The following FMNL2 variants were observed in gnomAD, a reference collection of about 807,000 sequenced individuals.
The protein encoded by FMNL2 is formin like 2, also known as formin-like protein 2.
In FMNL2, 51 loss-of-function variants were observed where a neutral mutation model predicts 130.2. The observed-to-expected ratio is 0.39, with a 90% CI of 0.31 to 0.49. FMNL2 has a LOEUF of 0.49. Among genes scored for constraint, FMNL2 ranks in the 20% least tolerant of loss-of-function variants. FMNL2 has a pLI of 0.85. For missense variants in FMNL2, 977 were observed against 1,316.2 expected, an observed-to-expected ratio of 0.74 and a Z score of 3.99; for synonymous variants, 465 against 467.1, an observed-to-expected ratio of 1.00 and a Z score of 0.06.
intron 1 of FMNL2, among the ~76,000 whole-genome samples, chr2:152,504,589 G>A (rs1217947102): frequency 6.6e-6 from 1 of 152,060 alleles, no homozygotes; most frequent in Non-Finnish European, 1.5e-5. Context: ...CTCCATAGCC[G>A]CATCTCATTG....
In FMNL2 at chr2:152,628,506, T is replaced by C. The variant is rs1378492243; in HGVS notation, c.2373T>C (p.Phe791=). 2 of 1,614,016 alleles carry C rather than the reference T, an allele frequency of 1.2e-6. No homozygotes were observed. The highest frequency in any genetic ancestry group is 1.7e-5 in the Admixed American group (1 of 60,014). The change falls in exon 18 of 26, where the codon TTT becomes TTC. Residue 791 remains phenylalanine, a synonymous_variant. Transcript: ENST00000288670. ...KMTIMAFIGN[F]AESIQMLTPQ... is the part of the protein sequence containing the mutation. Reference sequence around the variant, plus strand: ...CCATCATGGCCTTCATTGGGAACTTTGCTGAAAGCATTCAGATGCTGACTC... The same window carrying C: ...CCATCATGGCCTTCATTGGGAACTTCGCTGAAAGCATTCAGATGCTGACTC...
At chr2:152,619,479 A>G in intron 14 of FMNL2, 30 bp from the exon 15 acceptor site, 1 of 1,549,694 alleles carries the variant, frequency 6.5e-7, no homozygotes, top group Non-Finnish European at 8.7e-7. Context: ...CGTATTTTCA[A>G]AGTCCATCTG....
At chr2:152,394,463 T>A (rs1685285403) in intron 1 of FMNL2, among the ~76,000 whole-genome samples, 1 of 152,158 alleles carries the variant, frequency 6.6e-6, no homozygotes, top group Admixed American at 6.5e-5. Flanking sequence ...TTCATTTATG[T>A]TCAAGAAGTA....
chr2:152,372,111 A>G (rs1027359983), intron 1 of FMNL2, among the ~76,000 whole-genome samples: 2 of 152,180 alleles, frequency 1.3e-5, no homozygotes, highest in African/African-American at 4.8e-5. Context: ...AGAGTCCTCA[A>G]TTTGGTGGGG....
In FMNL2 at chr2:152,455,173, G is replaced by A. The variant is rs116532592; in HGVS notation, c.118-66770G>A. 8.9e-3 allele frequency among the ~76,000 whole-genome samples: 1,356 copies of A among 152,188 alleles called. 26 individuals carry two copies. Among genetic ancestry groups the A allele is most frequent in the African/African-American group, 0.031 (1,279 of 41,526 alleles). On this transcript the variant is annotated intron_variant, in intron 1 of 25. Transcript: ENST00000288670. ...AGGGGAGGTCAGGCAGGGAGGGCAAGGGGAACACCAGCACCAGAAGGCAGA... is the reference window on the plus strand; with the variant it reads ...AGGGGAGGTCAGGCAGGGAGGGCAAAGGGAACACCAGCACCAGAAGGCAGA...
At chr2:152,495,431 C>T (rs1457930986) in intron 1 of FMNL2, among the ~76,000 whole-genome samples, 3 of 151,844 alleles carry the variant, frequency 2.0e-5, no homozygotes, top group African/African-American at 7.3e-5. Context: ...GGGCGGATCA[C>T]TTGAGGTCAG....
intron 1 of FMNL2, among the ~76,000 whole-genome samples, chr2:152,458,009 A>G (rs1689048376): frequency 6.6e-6 from 1 of 152,242 alleles, no homozygotes; most frequent in Non-Finnish European, 1.5e-5. Context: ...CAGATAATCC[A>G]GGATAATCTC....
chr2:152,596,050 C>T (rs186840219), intron 9 of FMNL2, among the ~76,000 whole-genome samples: 20 of 151,514 alleles, frequency 1.3e-4, no homozygotes, highest in African/African-American at 4.9e-4. Flanking sequence ...GCAACCTCCT[C>T]CTCTCAGGTT....
chr2:152,526,251 G>C (rs184436135), intron 2 of FMNL2, among the ~76,000 whole-genome samples: 130 of 152,268 alleles, frequency 8.5e-4, no homozygotes, highest in African/African-American at 2.9e-3. Context: ...AGTGACAGTG[G>C]TGGCATTTTT....
intron 6 of FMNL2, among the ~76,000 whole-genome samples, chr2:152,561,323 T>C (rs1000299004): frequency 1.3e-5 from 2 of 152,084 alleles, no homozygotes; most frequent in Admixed American, 6.5e-5. Flanking sequence ...AGATAAGGTT[T>C]TGAAACCAGG....
intron 21 of FMNL2, among the ~76,000 whole-genome samples, chr2:152,635,477 T>C (rs1290289761): frequency 2.0e-5 from 3 of 152,202 alleles, no homozygotes; most frequent in Non-Finnish European, 4.4e-5. Flanking sequence ...CTAAAATAAA[T>C]ACAAACAGCA....
At chr2:152,488,898 A>C (rs1690984724) in intron 1 of FMNL2, among the ~76,000 whole-genome samples, 1 of 151,772 alleles carries the variant, frequency 6.6e-6, no homozygotes, top group Non-Finnish European at 1.5e-5. Context: ...TGCAACATAG[A>C]CTCCATCTAC....
At chr2:152,487,728 G>A (rs1250511133) in intron 1 of FMNL2, among the ~76,000 whole-genome samples, 1 of 151,926 alleles carries the variant, frequency 6.6e-6, no homozygotes, top group Non-Finnish European at 1.5e-5. Context: ...ATGCATTATA[G>A]TCTTTATAGT....
intron 4 of FMNL2, among the ~76,000 whole-genome samples, chr2:152,554,439 T>G (rs1695099912): frequency 6.6e-6 from 1 of 152,180 alleles, no homozygotes; most frequent in Admixed American, 6.5e-5. Context: ...ACACTTTGAT[T>G]GGGTCTTTTT....
At chr2:152,589,977 A>ATATATG (rs1558988284) in intron 9 of FMNL2, among the ~76,000 whole-genome samples, 11 of 44,920 alleles carry the variant, frequency 2.4e-4, no homozygotes, top group African/African-American at 9.9e-4. Flanking sequence ...ATATATATAT[A>ATATATG]TATATATGTA....
intron 1 of FMNL2, among the ~76,000 whole-genome samples, chr2:152,502,364 A>G (rs1469970969): frequency 1.3e-5 from 2 of 152,222 alleles, no homozygotes; most frequent in Non-Finnish European, 2.9e-5. Context: ...AGAAGAATAT[A>G]AGAGGGATGG....
At chr2:152,535,450 T>C (rs1558944524) in intron 2 of FMNL2, among the ~76,000 whole-genome samples, 1 of 152,210 alleles carries the variant, frequency 6.6e-6, no homozygotes. Context: ...CACATATGGC[T>C]CTTATCATAT....
chr2:152,551,579 T>C (rs1047875959), intron 4 of FMNL2, among the ~76,000 whole-genome samples: 3 of 152,262 alleles, frequency 2.0e-5, no homozygotes, highest in Admixed American at 2.0e-4. Flanking sequence ...CTAACTGGCT[T>C]GCTCTCACTT....
chr2:152,570,169 T>A (rs971069929), intron 6 of FMNL2, among the ~76,000 whole-genome samples: 1 of 152,052 alleles, frequency 6.6e-6, no homozygotes, highest in African/African-American at 2.4e-5. Context: ...AATAAAAGGG[T>A]TTGGAGTAAT....
Sources: gnomAD v4.1 joint callset for allele counts (sites outside exome capture counted in the v4.1 genomes callset) on GRCh38, gnomAD v4.1.1 for gene constraint, MANE v1.5 for transcripts, NCBI Gene and HGNC (gene_info 2026-07-23, HGNC 2026-07-21) for gene names.